Variants in ATP6V1C2 observed in about 807,000 individuals in gnomAD.
The protein encoded by ATP6V1C2 is V-type proton ATPase subunit C 2.
Under a neutral mutation model 56.8 loss-of-function variants are expected in ATP6V1C2, and 45 were observed. The observed-to-expected ratio is 0.79, with a 90% CI of 0.62 to 1.02. The LOEUF (loss-of-function observed/expected upper bound fraction) is 1.02, where lower values mean the gene tolerates loss of function less well. ATP6V1C2 is among the 50% of genes least tolerant of loss of function. The pLI is 0.00. For missense variants in ATP6V1C2, 463 were observed against 519.7 expected (o/e 0.89, Z 1.06); for synonymous variants, 220 against 201.3 (o/e 1.09, Z -0.79).
At chr2:10,728,794 A>T (rs887260300) in intron 3 of ATP6V1C2, among the ~76,000 whole-genome samples, 1 of 146,794 alleles carries the variant, frequency 6.8e-6, no homozygotes, top group Non-Finnish European at 1.5e-5. Context: ...AAAAAAAAAA[A>T]GTGTATGAGG....
At position 10,753,940 on chromosome 2, in the gene ATP6V1C2, G is replaced by A. The variant is rs1040805848; in HGVS notation, c.198-41G>A. The A allele has an allele frequency of 5.2e-6, 8 of 1,536,328 alleles. No individual in the cohort carries two copies. The African/African-American group carries it at 6.9e-5, about 13-fold the overall frequency. ...AGCATGTGACAGTATTTTGAGGACA[G>A]CTTCCTACTCTAACCGGCTCTTTTT... On this transcript the variant is annotated intron_variant, in intron 3 of 13. Coordinates refer to ENST00000272238, the MANE Select transcript of ATP6V1C2 (RefSeq NM_001039362.2).
intron 10 of ATP6V1C2, among the ~76,000 whole-genome samples, chr2:10,775,320 CAT>C (rs1161995377): frequency 2.0e-5 from 3 of 152,338 alleles, no homozygotes; most frequent in Admixed American, 6.5e-5. Context: ...GCGCTTTCCA[CAT>C]GTGTTCTCAC....
At chr2:10,746,523 G>A (rs974808699) in intron 3 of ATP6V1C2, among the ~76,000 whole-genome samples, 1 of 150,178 alleles carries the variant, frequency 6.7e-6, no homozygotes, top group Non-Finnish European at 1.5e-5. Flanking sequence ...AGCAATTCTC[G>A]TGCCTCAGCC....
rs528092712 is a variant in ATP6V1C2 at position 10,741,029 on chromosome 2, C to T, written c.198-12952C>T. On this transcript the variant is annotated intron_variant, in intron 3 of 13. Coordinates refer to ENST00000272238, the MANE Select transcript of ATP6V1C2 (RefSeq NM_001039362.2). ...GAGGGTAGAGCATTACTGTCTGGAC[C>T]GCATGTGGGTGACTCTATAATGCCA... Among the ~76,000 whole-genome samples the T allele has an allele frequency of 1.5e-4, 23 of 152,274 alleles. No homozygotes were observed. In the South Asian group the frequency reaches 2.7e-3, roughly 18 times the overall value.
chr2:10,729,671 C>T lies in ATP6V1C2; in HGVS notation c.197+3102C>T, dbSNP rs558380069. Among the ~76,000 whole-genome samples, 20 of 152,304 alleles carry T rather than the reference C, an allele frequency of 1.3e-4. No homozygotes were observed. The South Asian group carries it at 4.1e-3, about 32-fold the overall frequency. ...AATAGTTTGAGAAGAGCCTGGGCAA[C>T]ATAGTGAGACCCTCTCTCTACAAAA... is the stretch of plus-strand genomic sequence containing the variant. On this transcript the variant is annotated intron_variant, in intron 3 of 13. Coordinates refer to ENST00000272238, the MANE Select transcript of ATP6V1C2 (RefSeq NM_001039362.2).
At chr2:10,721,208 C>T (rs909288058), upstream of ATP6V1C2, among the ~76,000 whole-genome samples, 1 of 152,174 alleles carries the variant, frequency 6.6e-6, no homozygotes, top group Non-Finnish European at 1.5e-5. Flanking sequence ...GGCCTGGAGA[C>T]ACCTGGGAGT....
At chr2:10,752,980 A>G (rs896921113) in intron 3 of ATP6V1C2, among the ~76,000 whole-genome samples, 3 of 152,166 alleles carry the variant, frequency 2.0e-5, no homozygotes, top group African/African-American at 7.2e-5. Flanking sequence ...TGGGTGACAG[A>G]GCAAGACTCT....
At chr2:10,726,613 T>G (rs1254013870) in intron 3 of ATP6V1C2, 44 bp downstream of exon 3, 1 of 1,529,954 alleles carries the variant, frequency 6.5e-7, no homozygotes, top group Non-Finnish European at 9.1e-7. Flanking sequence ...GAATTTGACA[T>G]TGTTGTCAGA....
chr2:10,754,832 C>T (rs944374543), intron 4 of ATP6V1C2, among the ~76,000 whole-genome samples: 1 of 152,120 alleles, frequency 6.6e-6, no homozygotes, highest in South Asian at 2.1e-4. Flanking sequence ...CCGCCTCGGC[C>T]TCCCAAAGTG....
intron 3 of ATP6V1C2, among the ~76,000 whole-genome samples, chr2:10,734,250 G>C (rs961633885): frequency 6.6e-6 from 1 of 151,906 alleles, no homozygotes; most frequent in Non-Finnish European, 1.5e-5. Context: ...ATCTGCCCCT[G>C]CTGAGCCCTC....
chr2:10,735,166 G>A (rs2148422421), intron 3 of ATP6V1C2, among the ~76,000 whole-genome samples: 1 of 152,254 alleles, frequency 6.6e-6, no homozygotes, highest in Non-Finnish European at 1.5e-5. Flanking sequence ...TTTTTTAAAT[G>A]TGGTGACTAG....
chr2:10,728,865 G>A (rs994884581), intron 3 of ATP6V1C2, among the ~76,000 whole-genome samples: 23 of 151,222 alleles, frequency 1.5e-4, no homozygotes, highest in Non-Finnish European at 2.7e-4. Flanking sequence ...TGGGCCAGGC[G>A]TGGTGGCTCA....
At chr2:10,731,888 G>T (rs1180320589) in intron 3 of ATP6V1C2, among the ~76,000 whole-genome samples, 1 of 152,032 alleles carries the variant, frequency 6.6e-6, no homozygotes, top group Admixed American at 6.5e-5. Context: ...AGGGAGAATT[G>T]CTTGAGCCCA....
chr2:10,724,674 CT>C (rs61085771), intron 2 of ATP6V1C2, among the ~76,000 whole-genome samples: 113,162 of 124,672 alleles, frequency 0.91, 51,441 homozygotes, highest in East Asian at 0.97. Context: ...TTCCTAATTA[CT>C]TTTTTTTTTT....
chr2:10,762,771 G>A (rs1193384084), intron 4 of ATP6V1C2, among the ~76,000 whole-genome samples: 2 of 151,988 alleles, frequency 1.3e-5, no homozygotes, highest in South Asian at 2.1e-4. Context: ...GCCACCCAGC[G>A]AGAAAGCTGG....
At chr2:10,734,646 A>T (rs1662157200) in intron 3 of ATP6V1C2, among the ~76,000 whole-genome samples, 1 of 152,096 alleles carries the variant, frequency 6.6e-6, no homozygotes, top group Non-Finnish European at 1.5e-5. Flanking sequence ...AGAGGAGGGA[A>T]TACACTCCAG....
intron 3 of ATP6V1C2, among the ~76,000 whole-genome samples, chr2:10,747,716 C>T (rs1329200287): frequency 6.6e-6 from 1 of 151,838 alleles, no homozygotes; most frequent in East Asian, 1.9e-4. Flanking sequence ...AAAAAAAGCA[C>T]ACTTTCTACC....
chr2:10,773,859 CGAGATG>C (rs994116172), intron 8 of ATP6V1C2, among the ~76,000 whole-genome samples: 3 of 152,164 alleles, frequency 2.0e-5, no homozygotes, highest in African/African-American at 7.2e-5. Context: ...CCCAGGGCTA[CGAGATG>C]GCAATCGGGA....
chr2:10,777,613 G>C lies in ATP6V1C2; in HGVS notation c.854G>C (p.Gly285Ala). Residue 285 changes from glycine (G) to alanine (A), a missense_variant, in exon 11 of 14, where the codon GGA becomes GCA. Coordinates refer to ENST00000272238, the MANE Select transcript of ATP6V1C2 (RefSeq NM_001039362.2). ...YQTSCVALKKGSSTFPDHKVK... is the reference protein window; with the variant it reads ...YQTSCVALKKASSTFPDHKVK... ...ACTTCCTGTGTTGCTCTTAAAAAGGGATCATCCACCTTCCCGGACCACAAG... is the reference window on the plus strand; with the variant it reads ...ACTTCCTGTGTTGCTCTTAAAAAGGCATCATCCACCTTCCCGGACCACAAG... The C allele has an allele frequency of 6.2e-7, 1 of 1,613,974 alleles. No individual in the cohort carries two copies. The highest frequency in any genetic ancestry group is 8.5e-7 in the Non-Finnish European group (1 of 1,179,978).
Sources: allele counts gnomAD v4.1 joint callset (sites outside exome capture counted in the v4.1 genomes callset), GRCh38; gene constraint gnomAD v4.1.1; transcripts MANE v1.5; gene names NCBI Gene and HGNC (gene_info 2026-07-23, HGNC 2026-07-21).